Variants in CRB1 observed in about 807,000 individuals in gnomAD.
CRB1 encodes the protein crumbs cell polarity complex component 1.
CRB1 carries 83 observed loss-of-function variants against 120.0 expected under a neutral mutation model. The ratio of observed to expected loss-of-function variants is 0.69; its 90% CI spans 0.58 to 0.83. CRB1 has a LOEUF of 0.83. Among genes scored for constraint, CRB1 ranks in the 40% least tolerant of loss-of-function variants. The pLI is 0.00. For missense variants in CRB1, 1,699 were observed against 1,687.6 expected (o/e 1.01, Z -0.12); for synonymous variants, 625 against 612.5 (o/e 1.02, Z -0.30).
At chr1:197,242,501 C>A in the CRB1 span, among the ~76,000 whole-genome samples, 1 of 152,130 alleles carries the variant, frequency 6.6e-6, no homozygotes, top group Non-Finnish European at 1.5e-5. Flanking sequence ...ACATGTTGAA[C>A]GAGTCTTGCA....
intron 11 of CRB1, among the ~76,000 whole-genome samples, chr1:197,476,158 C>G (rs1371113929): frequency 1.3e-5 from 2 of 152,032 alleles, no homozygotes; most frequent in African/African-American, 4.8e-5. Context: ...GATCTGCCCA[C>G]CTCAGCTTCC....
At chr1:197,422,001 A>G (rs1251274722) in intron 6 of CRB1, 45 bp downstream of exon 6, 3 of 1,585,644 alleles carry the variant, frequency 1.9e-6, no homozygotes, top group Non-Finnish European at 2.6e-6. Flanking sequence ...CATGCCTCAG[A>G]GCAGAGCAGA....
chr1:197,245,259 T>C, the CRB1 span, among the ~76,000 whole-genome samples: 76 of 152,176 alleles, frequency 5.0e-4, 1 homozygote, highest in Non-Finnish European at 9.9e-4. Flanking sequence ...TTTCTATTTC[T>C]TTAAGAGGCT....
chr1:197,337,591 T>A (rs1475868325), intron 2 of CRB1, among the ~76,000 whole-genome samples: 1 of 152,240 alleles, frequency 6.6e-6, no homozygotes, highest in Non-Finnish European at 1.5e-5. Flanking sequence ...CCAATATTTC[T>A]GTCTCTTAAA....
At chr1:197,360,349 GTTC>G (rs1173176175) in intron 5 of CRB1, 2 of 152,254 alleles carry the variant, frequency 1.3e-5, no homozygotes, top group African/African-American at 4.8e-5. Context: ...AGGGCAAAAG[GTTC>G]TTCTGCTGCA....
chr1:197,223,908 A>G, the CRB1 span, among the ~76,000 whole-genome samples: 2 of 152,114 alleles, frequency 1.3e-5, no homozygotes, highest in African/African-American at 2.4e-5. Context: ...TGGAGTATAG[A>G]TGCTTTTAAT....
At chr1:197,353,810 TAAATAA>T (rs1338107126) in intron 4 of CRB1, among the ~76,000 whole-genome samples, 6 of 64,496 alleles carry the variant, frequency 9.3e-5, no homozygotes, top group African/African-American at 2.9e-4. Context: ...CAAAAATATA[TAAATAA>T]AAAAAAAAAA....
chr1:197,313,385 T>G (rs1380594168), intron 1 of CRB1, among the ~76,000 whole-genome samples: 1 of 152,252 alleles, frequency 6.6e-6, no homozygotes, highest in African/African-American at 2.4e-5. Context: ...GTATACAATC[T>G]GTAATGATCA....
chr1:197,367,168 C>T (rs1661120912), intron 5 of CRB1, among the ~76,000 whole-genome samples: 2 of 152,160 alleles, frequency 1.3e-5, no homozygotes, highest in Non-Finnish European at 2.9e-5. Flanking sequence ...TGTATGACCA[C>T]CCTTGACCAC....
At chr1:197,378,893 A>G (rs1180222410) in intron 5 of CRB1, among the ~76,000 whole-genome samples, 2 of 152,250 alleles carry the variant, frequency 1.3e-5, no homozygotes, top group Non-Finnish European at 2.9e-5. Flanking sequence ...ATGCTCATGT[A>G]TCTAGTACCC....
intron 4 of CRB1, among the ~76,000 whole-genome samples, chr1:197,351,382 A>AAAAAAG (rs1558073140): frequency 7.2e-6 from 1 of 138,906 alleles, no homozygotes. Context: ...AAAAAAAAAA[A>AAAAAAG]AAAAGGAGAA....
chr1:197,259,815 T>C, the CRB1 span, among the ~76,000 whole-genome samples: 1 of 152,234 alleles, frequency 6.6e-6, no homozygotes, highest in South Asian at 2.1e-4. Context: ...CTTAGAAAAC[T>C]ATCTGGAAGA....
chr1:197,202,962 GGT>G, the CRB1 span, among the ~76,000 whole-genome samples: 410 of 147,486 alleles, frequency 2.8e-3, 5 homozygotes, highest in Non-Finnish European at 1.5e-3. Flanking sequence ...ATGTCTTTGT[GGT>G]GTGTGTGTGT....
intron 1 of CRB1, among the ~76,000 whole-genome samples, chr1:197,275,125 T>C (rs1412878155): frequency 1.3e-5 from 2 of 152,060 alleles, no homozygotes; most frequent in African/African-American, 4.8e-5. Context: ...TCTCACTTTA[T>C]CTGTCTACCT....
At chr1:197,237,035 G>A in the CRB1 span, among the ~76,000 whole-genome samples, 9 of 151,098 alleles carry the variant, frequency 6.0e-5, no homozygotes, top group Non-Finnish European at 7.4e-5. Context: ...TGCTAACCTC[G>A]GAATGAGTCT....
At chr1:197,341,886 G>A (rs540231154) in intron 2 of CRB1, among the ~76,000 whole-genome samples, 3 of 152,310 alleles carry the variant, frequency 2.0e-5, no homozygotes, top group Admixed American at 2.0e-4. Context: ...GAGTCCACTA[G>A]TGGGACATTT....
chr1:197,429,426 C>A (rs1055908870), intron 7 of CRB1, 23 bp from the exon 8 acceptor site: 4 of 1,613,590 alleles, frequency 2.5e-6, no homozygotes, highest in Non-Finnish European at 3.4e-6. Flanking sequence ...GCTTTTTATA[C>A]CTTTGATTTC....
rs141695716 is a variant in CRB1 at position 197,465,131 on chromosome 1, T to C, written c.4006-12533T>C. On this transcript the variant is annotated intron_variant, in intron 11 of 11. Coordinates refer to ENST00000367400, the MANE Select transcript of CRB1 (RefSeq NM_201253.3). ...ATCCCAAAGCATAAAATAACCACTT[T>C]AGCTTTATTGTATGATCTAATTTTA... Among the ~76,000 whole-genome samples, 210 of 152,348 alleles carry C rather than the reference T, an allele frequency of 1.4e-3. 4 individuals carry two copies. The highest frequency in any genetic ancestry group is 4.9e-3 in the African/African-American group (204 of 41,582).
chr1:197,389,697 T>C (rs1194365094), intron 5 of CRB1, among the ~76,000 whole-genome samples: 3 of 146,514 alleles, frequency 2.0e-5, no homozygotes, highest in Non-Finnish European at 4.6e-5. Flanking sequence ...TTATGTTATG[T>C]ATATTTTACC....
Sources: allele counts gnomAD v4.1 joint callset (sites outside exome capture counted in the v4.1 genomes callset), GRCh38; gene constraint gnomAD v4.1.1; transcripts MANE v1.5; gene names NCBI Gene and HGNC (gene_info 2026-07-23, HGNC 2026-07-21).